Variants in USF2 observed in about 807,000 individuals in gnomAD.
USF2 encodes the protein upstream transcription factor 2, c-fos interacting.
A neutral mutation model predicts 46.9 loss-of-function variants in USF2; 16 were observed. That is an observed-to-expected ratio of 0.34 (90% confidence interval 0.23 to 0.52). USF2 has a LOEUF of 0.52. USF2 is among the 20% of genes least tolerant of loss of function. The pLI, the probability that USF2 is intolerant of heterozygous loss-of-function variation, is 0.96. For missense variants in USF2, 411 were observed against 474.0 expected (o/e 0.87, Z 1.23); for synonymous variants, 239 against 194.1 (o/e 1.23, Z -1.92).
At chr19:35,270,397 A>T (rs2066134046) in intron 4 of USF2, 50 bp from the exon 5 acceptor site, 2 of 1,585,136 alleles carry the variant, frequency 1.3e-6, no homozygotes, top group Admixed American at 3.4e-5. Flanking sequence ...AGGGGACGGG[A>T]TGGAGGAACA....
At chr19:35,270,638 G>A (rs1350794256) in intron 5 of USF2, 41 bp downstream of exon 5, 2 of 1,611,036 alleles carry the variant, frequency 1.2e-6, no homozygotes, top group Admixed American at 1.7e-5. Context: ...GGGAGGCAAC[G>A]GGCCCAGCAG....
At chr19:35,273,112 C>CCT (rs1474936716) in intron 7 of USF2, among the ~76,000 whole-genome samples, 8 of 151,992 alleles carry the variant, frequency 5.3e-5, no homozygotes, top group Non-Finnish European at 1.0e-4. Context: ...TTGAAACTTT[C>CCT]TCACCCTGTG....
intron 7 of USF2, among the ~76,000 whole-genome samples, chr19:35,274,075 G>A (rs117966332): frequency 0.018 from 2,684 of 152,350 alleles, 32 homozygotes; most frequent in Non-Finnish European, 0.027. Flanking sequence ...GCAAGGAACT[G>A]TGTTTCCATC....
intron 7 of USF2, among the ~76,000 whole-genome samples, chr19:35,272,718 G>A (rs912316194): frequency 7.2e-5 from 11 of 152,072 alleles, no homozygotes; most frequent in African/African-American, 1.9e-4. Flanking sequence ...GAGACCATAC[G>A]ACTGTCAGGC....
intron 7 of USF2, among the ~76,000 whole-genome samples, chr19:35,275,632 A>C (rs942178452): frequency 6.6e-6 from 1 of 151,614 alleles, no homozygotes; most frequent in South Asian, 2.1e-4. Context: ...GTGTTTTCCA[A>C]TTTTCCTTGT....
Position 35,279,395 on chromosome 19 carries a change from G to A in USF2, c.*139G>A. Reference sequence around the variant, plus strand: ...GTAGATTTTTAACAAAAAACGGGGAGAAATAATGCATTTCTGTGGATACAG... The same window carrying A: ...GTAGATTTTTAACAAAAAACGGGGAAAAATAATGCATTTCTGTGGATACAG... On this transcript the variant is annotated 3_prime_UTR_variant, in exon 10 of 10. Transcript: ENST00000222305. 1.1e-6 allele frequency: 1 copy of A among 946,744 alleles called. No individual in the cohort carries two copies. 58.6% of individuals were successfully genotyped at this position (946,744 alleles called of 1,614,324 possible).
At chr19:35,276,597 G>A (rs886970769) in intron 7 of USF2, among the ~76,000 whole-genome samples, 1 of 152,160 alleles carries the variant, frequency 6.6e-6, no homozygotes, top group Non-Finnish European at 1.5e-5. Context: ...CTTGACAACC[G>A]ATCTTTACAA....
At chr19:35,272,913 G>A (rs1468538923) in intron 7 of USF2, among the ~76,000 whole-genome samples, 8 of 151,922 alleles carry the variant, frequency 5.3e-5, no homozygotes, top group African/African-American at 9.7e-5. Flanking sequence ...GTGGTGGGGC[G>A]TCAGGGTGGT....
chr19:35,272,778 G>A lies in USF2; in HGVS notation c.727+1637G>A, dbSNP rs151061189. On this transcript the variant is annotated intron_variant, in intron 7 of 9. Transcript: ENST00000222305. ...AAATGTGGGGAGGACTCCAAGGCTG[G>A]AGAATAAGGGTTTCGTGCTGAACTC... Among the ~76,000 whole-genome samples the A allele has an allele frequency of 9.7e-3, 1,468 of 152,112 alleles. 22 individuals are homozygous for A. Among genetic ancestry groups the A allele is most frequent in the African/African-American group, 0.034 (1,404 of 41,456 alleles).
chr19:35,269,699 G>A lies in USF2; in HGVS notation c.228G>A (p.Gln76=). The change falls in exon 3 of 10, where the codon CAG becomes CAA. Residue 76 remains glutamine (Q), a splice_region_variant and synonymous_variant. Coordinates refer to ENST00000222305, the MANE Select transcript of USF2 (RefSeq NM_003367.4). ...YQFRTETNGG[Q]VTYRVVQVTD... is the part of the protein sequence containing the mutation. Reference sequence around the variant, plus strand: ...TCCGCACAGAGACAAATGGAGGACAGGTGAGCGGCGGGCCGCGAGGGCGAA... The same window carrying A: ...TCCGCACAGAGACAAATGGAGGACAAGTGAGCGGCGGGCCGCGAGGGCGAA... 2 of 1,500,566 alleles carry A rather than the reference G, an allele frequency of 1.3e-6. No homozygotes were observed. Among genetic ancestry groups the A allele is most frequent in the Non-Finnish European group, 1.8e-6 (2 of 1,127,962 alleles). 93.0% of individuals were successfully genotyped at this position (1,500,566 alleles called of 1,614,324 possible).
rs147827370 is a variant in USF2 at position 35,273,970 on chromosome 19, T to A, written c.727+2829T>A. ...TTCCCCCTTGTAGGTGTTCCTCTTT[T>A]TTCTTTGCTGCAGAAGAGTGTGTGA... On this transcript the variant is annotated intron_variant, in intron 7 of 9. Transcript: ENST00000222305. Among the ~76,000 whole-genome samples the A allele has an allele frequency of 3.8e-3, 575 of 152,318 alleles. 5 individuals carry two copies. Among genetic ancestry groups the A allele is most frequent in the African/African-American group, 0.013 (557 of 41,554 alleles).
intron 7 of USF2, among the ~76,000 whole-genome samples, chr19:35,273,706 C>T (rs370007782): frequency 3.2e-4 from 48 of 152,160 alleles, no homozygotes; most frequent in African/African-American, 1.1e-3. Flanking sequence ...CACAGGCAGG[C>T]GTCATCACAT....
chr19:35,278,841 C>G lies in USF2; in HGVS notation c.822+49C>G, dbSNP rs765222093. 5.0e-6 allele frequency: 8 copies of G among 1,611,322 alleles called. No individual in the cohort carries two copies. The African/African-American group carries it at 9.4e-5, about 19-fold the overall frequency. On this transcript the variant is annotated intron_variant, in intron 8 of 9. Transcript: ENST00000222305. Reference sequence around the variant, plus strand: ...TCTGCGGTGGTCCCGGCCCCCGACCCTTGCATGCAGAAAGTCCAACAGCCA... The same window carrying G: ...TCTGCGGTGGTCCCGGCCCCCGACCGTTGCATGCAGAAAGTCCAACAGCCA...
intron 7 of USF2, among the ~76,000 whole-genome samples, chr19:35,274,050 C>G (rs2066197783): frequency 6.6e-6 from 1 of 152,242 alleles, no homozygotes; most frequent in African/African-American, 2.4e-5. Flanking sequence ...CGCCCACCAC[C>G]TGGCTCCTGG....
rs1458477016 is a variant in USF2 at position 35,279,528 on chromosome 19, C to G, written c.*272C>G. The G allele has an allele frequency of 7.0e-6, 3 of 426,248 alleles. No homozygotes were observed. Among genetic ancestry groups the G allele is most frequent in the African/African-American group, 6.2e-5 (3 of 48,354 alleles). The allele number at this position is 426,248 out of a possible 1,614,324, so 26.4% of individuals were successfully genotyped here. A position where few individuals can be genotyped will look rare whatever the true frequency, so the allele number is the denominator to read the frequency against. ...GCCCCGGCACTTCTAGTGGTCTCAC[C>G]TGGAGGCAAGAGGGAGGGGACAGAG... On this transcript the variant is annotated 3_prime_UTR_variant, in exon 10 of 10. Transcript: ENST00000222305.
intron 7 of USF2, among the ~76,000 whole-genome samples, chr19:35,272,162 C>T (rs2066166340): frequency 6.6e-6 from 1 of 152,160 alleles, no homozygotes; most frequent in Non-Finnish European, 1.5e-5. Context: ...CATACTACGA[C>T]CAGCCCCCCT....
chr19:35,269,991 G>A lies in USF2; in HGVS notation c.417G>A (p.Ala139=), dbSNP rs765909692. The A allele has an allele frequency of 9.8e-5, 131 of 1,340,490 alleles. 1 individual carries two copies. Among genetic ancestry groups the A allele is most frequent in the Admixed American group, 1.6e-4 (4 of 25,254 alleles). 83.0% of individuals were successfully genotyped at this position (1,340,490 alleles called of 1,614,324 possible). A position where few individuals can be genotyped will look rare whatever the true frequency, so the allele number is the denominator to read the frequency against. ...AAASVPPGPA[A]PFPLAVIQNP... is the part of the protein sequence containing the mutation. ...CCTCTGTGCCCCCAGGTCCTGCAGC[G>A]CCCTTCCCGCTGGTAGGTGCCCTGC... Residue 139 remains alanine, a synonymous_variant, in exon 4 of 10, where the codon GCG becomes GCA. Coordinates refer to ENST00000222305, the MANE Select transcript of USF2 (RefSeq NM_003367.4).
In USF2 at chr19:35,279,491, G is replaced by A. The variant is rs919118981; in HGVS notation, c.*235G>A. 34 of 502,798 alleles carry A rather than the reference G, an allele frequency of 6.8e-5. No homozygotes were observed. The highest frequency in any genetic ancestry group is 2.8e-4 in the Admixed American group (7 of 25,372). 31.1% of individuals were successfully genotyped at this position (502,798 alleles called of 1,614,324 possible). A position where few individuals can be genotyped will look rare whatever the true frequency, so the allele number is the denominator to read the frequency against. ...TCCGTCTGTCTGTCGCCCTTCTCCC[G>A]GCCCTCACTAAGCCCCGGCACTTCT... On this transcript the variant is annotated 3_prime_UTR_variant, in exon 10 of 10. Coordinates refer to ENST00000222305, the MANE Select transcript of USF2 (RefSeq NM_003367.4).
chr19:35,270,231 T>G, intron 4 of USF2: 1 of 900,764 alleles, frequency 1.1e-6, no homozygotes, highest in South Asian at 1.9e-5. Context: ...AAGAGGAAAG[T>G]TTCTTAGAGT....
Sources: allele counts gnomAD v4.1 joint callset (sites outside exome capture counted in the v4.1 genomes callset), GRCh38; gene constraint gnomAD v4.1.1; transcripts MANE v1.5; gene names NCBI Gene and HGNC (gene_info 2026-07-23, HGNC 2026-07-21).